PTBP3: variants seen among roughly 807,000 people sequenced by gnomAD.
PTBP3 encodes polypyrimidine tract binding protein 3.
A neutral mutation model predicts 58.7 loss-of-function variants in PTBP3; 20 were observed. That is an observed-to-expected ratio of 0.34 (90% confidence interval 0.24 to 0.50). The LOEUF (loss-of-function observed/expected upper bound fraction) is 0.50. Ranked by LOEUF, PTBP3 falls within the 20% of genes least tolerant of loss-of-function variation. PTBP3 has a pLI of 0.98. For synonymous variants in PTBP3, 185 were observed against 219.8 expected, an observed-to-expected ratio of 0.84 and a Z score of 1.40; for missense variants, 509 against 637.2, an observed-to-expected ratio of 0.80 and a Z score of 2.17.
the PTBP3 span, among the ~76,000 whole-genome samples, chr9:112,375,451 G>T: frequency 6.6e-6 from 1 of 152,178 alleles, no homozygotes. Flanking sequence ...GAAAGGGGCT[G>T]TAGTGCTGCA....
In PTBP3 at chr9:112,220,201, G is replaced by A. The variant is rs553302901; in HGVS notation, c.*3650C>T. The A allele has an allele frequency of 1.8e-5, 24 of 1,345,702 alleles. No homozygotes were observed. In the Admixed American group the frequency reaches 4.7e-4, roughly 26 times the overall value. The allele number at this position is 1,345,702 out of a possible 1,614,324, so 83.4% of individuals were successfully genotyped here. ...TTTTTTGTCCAAAAATATCTCGTGGGAACAGAAGAGAAACTGCATGACAAT... is the reference window on the plus strand; with the variant it reads ...TTTTTTGTCCAAAAATATCTCGTGGAAACAGAAGAGAAACTGCATGACAAT... On this transcript the variant is annotated 3_prime_UTR_variant, in exon 14 of 14. Coordinates refer to ENST00000374257, the MANE Select transcript of PTBP3 (RefSeq NM_001163788.4).
chr9:112,308,636 C>A (rs929309482), intron 1 of PTBP3, among the ~76,000 whole-genome samples: 11 of 151,962 alleles, frequency 7.2e-5, no homozygotes, highest in African/African-American at 2.7e-4. Flanking sequence ...TGAATGCAGA[C>A]GACCAAAAGA....
chr9:112,293,224 T>C (rs144292190), intron 2 of PTBP3, among the ~76,000 whole-genome samples: 2,993 of 152,242 alleles, frequency 0.02, 41 homozygotes, highest in Admixed American at 0.03. Flanking sequence ...TGAATACACT[T>C]GGAAGGAGGA....
chr9:112,265,522 C>CA, intron 4 of PTBP3, among the ~76,000 whole-genome samples: 1 of 151,734 alleles, frequency 6.6e-6, no homozygotes, highest in African/African-American at 2.4e-5. Context: ...ATTCTGTCTC[C>CA]AAAAACAAAC....
chr9:112,311,126 C>T (rs1416821266), intron 1 of PTBP3, among the ~76,000 whole-genome samples: 4 of 151,750 alleles, frequency 2.6e-5, no homozygotes, highest in Non-Finnish European at 5.9e-5. Flanking sequence ...GAGGGAAGGA[C>T]TCTGGTTAGG....
chr9:112,331,719 A>AT (rs758323610), intron 1 of PTBP3, among the ~76,000 whole-genome samples: 3 of 152,254 alleles, frequency 2.0e-5, no homozygotes, highest in Non-Finnish European at 4.4e-5. Flanking sequence ...CAGTATCTGT[A>AT]TAACTGCCTT....
intron 2 of PTBP3, among the ~76,000 whole-genome samples, chr9:112,284,827 T>C (rs146386287): frequency 7.1e-6 from 1 of 141,298 alleles, no homozygotes; most frequent in East Asian, 2.1e-4. Context: ...CCATTTGGAA[T>C]GGGAGCATTC....
intron 1 of PTBP3, among the ~76,000 whole-genome samples, chr9:112,320,279 TAA>T (rs35381625): frequency 0.023 from 1,007 of 43,774 alleles, 103 homozygotes; most frequent in African/African-American, 0.13. Context: ...CCCTTTCTCT[TAA>T]AAAAAAAAAA....
intron 5 of PTBP3, among the ~76,000 whole-genome samples, chr9:112,256,832 TA>T (rs1428067105): frequency 1.4e-5 from 2 of 143,950 alleles, no homozygotes; most frequent in African/African-American, 2.6e-5. Flanking sequence ...TGGCAATATG[TA>T]ATTTTTTTTC....
intron 1 of PTBP3, among the ~76,000 whole-genome samples, chr9:112,308,200 T>A (rs1829313035): frequency 6.6e-6 from 1 of 152,106 alleles, no homozygotes; most frequent in Non-Finnish European, 1.5e-5. Flanking sequence ...TAATTTTTTT[T>A]ATTTTTTGTA....
At chr9:112,348,667 G>A in the PTBP3 span, among the ~76,000 whole-genome samples, 5 of 152,204 alleles carry the variant, frequency 3.3e-5, no homozygotes, top group African/African-American at 4.8e-5. Context: ...AATCTCTCAA[G>A]TACCCGGCTT....
intron 1 of PTBP3, among the ~76,000 whole-genome samples, chr9:112,329,884 T>C (rs1830301891): frequency 7.0e-6 from 1 of 142,282 alleles, no homozygotes; most frequent in Non-Finnish European, 1.5e-5. Flanking sequence ...CTCACTCCCA[T>C]TGTCCAGGCT....
chr9:112,236,123 T>A (rs1835429127), intron 7 of PTBP3, among the ~76,000 whole-genome samples: 1 of 152,018 alleles, frequency 6.6e-6, no homozygotes, highest in African/African-American at 2.4e-5. Context: ...AAAACTCATA[T>A]AATTTTATTT....
chr9:112,367,388 A>G, the PTBP3 span, among the ~76,000 whole-genome samples: 1 of 152,126 alleles, frequency 6.6e-6, no homozygotes, highest in South Asian at 2.1e-4. Context: ...TTTCTTGTAA[A>G]GCAGATGTAG....
intron 3 of PTBP3, among the ~76,000 whole-genome samples, chr9:112,271,680 T>G (rs1173346712): frequency 6.6e-6 from 1 of 151,660 alleles, no homozygotes; most frequent in East Asian, 1.9e-4. Flanking sequence ...GAGGTCAAGA[T>G]CACACCAGTG....
chr9:112,264,499 C>G (rs962202312), intron 4 of PTBP3, among the ~76,000 whole-genome samples: 1 of 152,090 alleles, frequency 6.6e-6, no homozygotes, highest in East Asian at 1.9e-4. Flanking sequence ...CAATCATAAA[C>G]TGGAAAAGTA....
chr9:112,231,231 T>A, intron 10 of PTBP3, 149 bp downstream of exon 10: 1 of 524,862 alleles, frequency 1.9e-6, no homozygotes, highest in Non-Finnish European at 3.1e-6. Flanking sequence ...ATCATCACTG[T>A]AATTACTTAC....
the PTBP3 span, chr9:112,379,817 C>T: frequency 8.6e-6 from 4 of 467,046 alleles, no homozygotes; most frequent in Non-Finnish European, 1.5e-5. Context: ...AAAAGGTGGA[C>T]GTAGCGGCTG....
chr9:112,323,510 A>C (rs1280066515), intron 1 of PTBP3, among the ~76,000 whole-genome samples: 1 of 152,224 alleles, frequency 6.6e-6, no homozygotes, highest in Non-Finnish European at 1.5e-5. Flanking sequence ...TATGACGGTC[A>C]ATATGTCACT....
Sources: allele counts gnomAD v4.1 joint callset (sites outside exome capture counted in the v4.1 genomes callset), GRCh38; gene constraint gnomAD v4.1.1; transcripts MANE v1.5; gene names NCBI Gene and HGNC (gene_info 2026-07-23, HGNC 2026-07-21).